Variants in EXD3 observed in about 807,000 individuals in gnomAD.
EXD3 encodes exonuclease 3'-5' domain containing 3.
In EXD3, 92 loss-of-function variants were observed where a neutral mutation model predicts 98.0. The observed-to-expected ratio is 0.94, with a 90% CI of 0.79 to 1.12. EXD3 has a LOEUF of 1.12. EXD3 is among the 50% of genes most tolerant of loss of function. The probability of loss-of-function intolerance (pLI) is 0.00; values close to 1 mark genes in which losing one functional copy is unlikely to be tolerated. For synonymous variants in EXD3, 569 were observed against 526.0 expected, an observed-to-expected ratio of 1.08 and a Z score of -1.12; for missense variants, 1,222 against 1,191.6, an observed-to-expected ratio of 1.03 and a Z score of -0.38.
chr9:137,334,662 A>G (rs1362390668), intron 17 of EXD3, among the ~76,000 whole-genome samples: 1 of 152,228 alleles, frequency 6.6e-6, no homozygotes, highest in African/African-American at 2.4e-5. Flanking sequence ...TCTTCTGCAC[A>G]TTGGCTTAAG....
In EXD3 at chr9:137,349,423, G is replaced by A. The variant is rs1246790819; in HGVS notation, c.1603C>T (p.Gln535Ter). ...GGCCTCCGGTCCCAGTTGGACAGCT[G>A]CTGCGTCTTGTCCAGGGCTGTGCCC... ...VLGTALDKTQ[Q>*]LSNWDRRPLC... Residue 535 changes from glutamine (Q) to a stop codon, truncating the protein, a stop_gained, in exon 15 of 22, where the codon CAG (glutamine) becomes TAG (stop). Transcript: ENST00000340951. LOFTEE classifies it high-confidence loss of function. This position sits in a 1 kb window ranked among gnomAD's most constrained non-coding sequence, Gnocchi z 7.4. 1 of 1,599,930 alleles carries A rather than the reference G, an allele frequency of 6.3e-7. No individual in the cohort carries two copies. Among genetic ancestry groups the A allele is most frequent in the Non-Finnish European group, 8.5e-7 (1 of 1,177,202 alleles).
At chr9:137,406,020 GACCAGCCTGGGCA>G (rs2131808087) in intron 1 of EXD3, among the ~76,000 whole-genome samples, 1 of 152,152 alleles carries the variant, frequency 6.6e-6, no homozygotes, top group South Asian at 2.1e-4. Flanking sequence ...AGGAGTTTGA[GACCAGCCTGGGCA>G]ACATAGTGAG....
intron 8 of EXD3, among the ~76,000 whole-genome samples, 172 bp downstream of exon 8, chr9:137,356,096 A>C (rs1588339660): frequency 6.6e-6 from 1 of 152,170 alleles, no homozygotes; most frequent in South Asian, 2.1e-4. Flanking sequence ...GGCCAGGCCC[A>C]CCTCACAGCC....
At chr9:137,390,869 G>A (rs570636001) in intron 2 of EXD3, among the ~76,000 whole-genome samples, 2 of 152,354 alleles carry the variant, frequency 1.3e-5, no homozygotes, top group South Asian at 4.1e-4. Flanking sequence ...GAGCCTCCTG[G>A]CCAGGTCAAG....
intron 1 of EXD3, among the ~76,000 whole-genome samples, chr9:137,415,266 C>T (rs968281220): frequency 1.1e-4 from 16 of 150,940 alleles, no homozygotes; most frequent in African/African-American, 3.7e-4. Context: ...TGCAGTGGGG[C>T]GATCTCAGCT....
chr9:137,412,543 T>TC (rs1838049467), intron 1 of EXD3, among the ~76,000 whole-genome samples: 1 of 152,048 alleles, frequency 6.6e-6, no homozygotes, highest in Admixed American at 6.6e-5. Context: ...CCAAACAGTG[T>TC]CAGTGGGAAC....
In EXD3 at chr9:137,353,516, G is replaced by A. The variant is rs987903875; in HGVS notation, c.871-730C>T. 3.0e-6 allele frequency: 3 copies of A among 986,904 alleles called. No individual in the cohort carries two copies. The African/African-American group carries it at 5.2e-5, about 17-fold the overall frequency. 61.1% of individuals were successfully genotyped at this position (986,904 alleles called of 1,614,324 possible). On this transcript the variant is annotated intron_variant, in intron 10 of 21. Coordinates refer to ENST00000340951, the MANE Select transcript of EXD3 (RefSeq NM_017820.5). ...CCCATTCACCCATGGCCCAGGAGCA[G>A]ACAGAGGGGTGCCCTCTGGGTGGCA...
rs898058049 is a variant in EXD3, at chr9:137,307,006, C to T, written c.2575G>A (p.Ala859Thr). 4.3e-6 allele frequency: 7 copies of T among 1,610,312 alleles called. No homozygotes were observed. Among genetic ancestry groups the T allele is most frequent in the Middle Eastern group, 1.7e-4 (1 of 6,058 alleles). The change falls in exon 22 of 22, where the codon GCC becomes ACC. Residue 859 changes from alanine to threonine, a missense_variant. Coordinates refer to ENST00000340951, the MANE Select transcript of EXD3 (RefSeq NM_017820.5). ...ATHFRDMLES[A>T]PSPCEPSPAP... ...GGGCTCGGCTCGCAGGGGCTGGGGG[C>T]GCTCTCCAGCATGTCTCGGAAGTGG...
At chr9:137,397,638 G>A (rs1021833497) in intron 1 of EXD3, among the ~76,000 whole-genome samples, 1 of 152,180 alleles carries the variant, frequency 6.6e-6, no homozygotes, top group Non-Finnish European at 1.5e-5. Flanking sequence ...TTAACACAAC[G>A]ATTTCAACTG....
chr9:137,365,165 CCTCT>C (rs1185726070), intron 7 of EXD3: 1 of 151,974 alleles, frequency 6.6e-6, no homozygotes. Context: ...CTGCCTGCTC[CCTCT>C]GATGAAAAGT....
At chr9:137,364,420 G>A (rs986540639) in intron 7 of EXD3, among the ~76,000 whole-genome samples, 7 of 151,872 alleles carry the variant, frequency 4.6e-5, no homozygotes, top group African/African-American at 9.7e-5. Context: ...TCAGGGGTTC[G>A]GGAGCAGCCT....
intron 1 of EXD3, among the ~76,000 whole-genome samples, chr9:137,400,295 C>G (rs1485519323): frequency 6.6e-6 from 1 of 152,148 alleles, no homozygotes; most frequent in Admixed American, 6.5e-5. Flanking sequence ...ATTTCAAAAC[C>G]AATCATGCCT....
At chr9:137,344,690 A>G (rs1483972615) in intron 17 of EXD3, among the ~76,000 whole-genome samples, 2 of 152,224 alleles carry the variant, frequency 1.3e-5, no homozygotes, top group East Asian at 1.9e-4. Flanking sequence ...ATCAAGTCCT[A>G]GTTCCTTTCT....
At chr9:137,311,796 T>C (rs1473518123) in intron 19 of EXD3, among the ~76,000 whole-genome samples, 1 of 152,154 alleles carries the variant, frequency 6.6e-6, no homozygotes, top group African/African-American at 2.4e-5. Context: ...TCCCTGTCCA[T>C]CTGTCCACTC....
intron 19 of EXD3, among the ~76,000 whole-genome samples, 157 bp from the exon 20 acceptor site, chr9:137,309,857 G>T (rs534348442): frequency 6.6e-6 from 1 of 152,340 alleles, no homozygotes; most frequent in Admixed American, 6.5e-5. Context: ...GTCCTGTGGG[G>T]TTCAGGCCAT....
At chr9:137,350,017 G>A (rs1466984832) in intron 14 of EXD3, among the ~76,000 whole-genome samples, 1 of 148,286 alleles carries the variant, frequency 6.7e-6, no homozygotes, top group African/African-American at 2.5e-5. Context: ...CACGGGGAAG[G>A]TGCTAGATAG....
rs772624566 is a variant in EXD3, at chr9:137,354,393, G to A, written c.832-16C>T. On this transcript the variant is annotated splice_polypyrimidine_tract_variant and intron_variant, in intron 9 of 21. Transcript: ENST00000340951. ...ACAGGCTCTTCTGCAAAGGCAAACA[G>A]GAAGGGGCGGTTGCCAGGCAGCTCC... 1.2e-6 allele frequency: 2 copies of A among 1,612,328 alleles called. No individual in the cohort carries two copies. The highest frequency in any genetic ancestry group is 1.7e-5 in the Admixed American group (1 of 59,964).
intron 17 of EXD3, among the ~76,000 whole-genome samples, chr9:137,340,488 AAAAG>A (rs1361278106): frequency 1.3e-5 from 2 of 152,078 alleles, no homozygotes; most frequent in Non-Finnish European, 2.9e-5. Flanking sequence ...AAAGAAAAAA[AAAAG>A]AAAGAGTTAA....
intron 2 of EXD3, among the ~76,000 whole-genome samples, chr9:137,386,840 T>TCCCTCAGCACCCCTGCTCCCTGCGTGGCC: frequency 2.0e-5 from 1 of 51,150 alleles, no homozygotes; most frequent in African/African-American, 7.9e-5. Flanking sequence ...CCTGCCTGCC[T>TCCCTCAGCACCCCTGCTCCCTGCGTGGCC]CCCTCAGCAC....
Sources: gnomAD v4.1 joint callset for allele counts (sites outside exome capture counted in the v4.1 genomes callset) on GRCh38, gnomAD v4.1.1 for gene constraint, Gnocchi (gnomAD v3.1) non-coding constraint, MANE v1.5 for transcripts, NCBI Gene and HGNC (gene_info 2026-07-23, HGNC 2026-07-21) for gene names.